The following ZNF236 variants were observed in gnomAD, a reference collection of about 807,000 sequenced individuals.
ZNF236 encodes zinc finger protein 236, also known as regulated by glucose.
In ZNF236, 50 loss-of-function variants were observed where a neutral mutation model predicts 191.2. That is an observed-to-expected ratio of 0.26 (90% confidence interval 0.21 to 0.33). The LOEUF (loss-of-function observed/expected upper bound fraction) is 0.33, where lower values mean the gene tolerates loss of function less well. Ranked by LOEUF, ZNF236 falls within the 10% of genes least tolerant of loss-of-function variation. The probability of loss-of-function intolerance (pLI) is 1.00; values close to 1 mark genes in which losing one functional copy is unlikely to be tolerated. For missense variants in ZNF236, 1,754 were observed against 2,374.5 expected, an observed-to-expected ratio of 0.74 and a Z score of 5.43; for synonymous variants, 907 against 928.8, an observed-to-expected ratio of 0.98 and a Z score of 0.43.
chr18:76,944,563 C>T (rs1427900249), intron 26 of ZNF236, among the ~76,000 whole-genome samples: 2 of 152,070 alleles, frequency 1.3e-5, no homozygotes, highest in African/African-American at 4.8e-5. Context: ...GGTGGATCAC[C>T]TGAGGTCAGG....
rs116807188 is a variant in ZNF236, at chr18:76,883,409, A to G, written c.1417+1897A>G. On this transcript the variant is annotated intron_variant, in intron 9 of 30. Coordinates refer to ENST00000320610, the MANE Select transcript of ZNF236 (RefSeq NM_001306089.2). ...TTTAAGTGACCTCTCTAATATGGTGATGAGAAAACCATTGGGGATTTTTAT... is the reference window on the plus strand; with the variant it reads ...TTTAAGTGACCTCTCTAATATGGTGGTGAGAAAACCATTGGGGATTTTTAT... Among the ~76,000 whole-genome samples, 771 of 119,290 alleles carry G rather than the reference A, an allele frequency of 6.5e-3. 9 individuals carry two copies. Among genetic ancestry groups the G allele is most frequent in the African/African-American group, 0.024 (733 of 31,038 alleles). 78.3% of individuals were successfully genotyped at this position (119,290 alleles called of 152,430 possible). A position where few individuals can be genotyped will look rare whatever the true frequency, so the allele number is the denominator to read the frequency against.
intron 19 of ZNF236, among the ~76,000 whole-genome samples, chr18:76,918,515 C>A (rs1181998890): frequency 6.6e-6 from 1 of 152,178 alleles, no homozygotes; most frequent in Non-Finnish European, 1.5e-5. Flanking sequence ...GCCTTGAACT[C>A]CTGGGATCAA....
chr18:76,933,864 G>C (rs951370308), intron 25 of ZNF236, among the ~76,000 whole-genome samples: 3 of 152,186 alleles, frequency 2.0e-5, no homozygotes, highest in African/African-American at 7.2e-5. Context: ...GATCTCAACT[G>C]TATAGTAGTA....
chr18:76,847,452 T>TTTTA (rs966828791), intron 1 of ZNF236, among the ~76,000 whole-genome samples: 1 of 151,882 alleles, frequency 6.6e-6, no homozygotes, highest in African/African-American at 2.4e-5. Context: ...AATCATTTTA[T>TTTTA]TTTATTTATT....
intron 3 of ZNF236, among the ~76,000 whole-genome samples, chr18:76,857,357 G>A (rs185627476): frequency 1.9e-4 from 29 of 152,132 alleles, no homozygotes; most frequent in African/African-American, 3.4e-4. Context: ...CCAGCCCCCC[G>A]ACCCTACTTC....
chr18:76,906,997 C>G (rs551559598), intron 13 of ZNF236, among the ~76,000 whole-genome samples: 3 of 152,150 alleles, frequency 2.0e-5, no homozygotes, highest in Non-Finnish European at 4.4e-5. Flanking sequence ...AAACAGAAAA[C>G]AAGCCTCCAT....
intron 5 of ZNF236, among the ~76,000 whole-genome samples, chr18:76,873,454 G>A (rs532220082): frequency 1.6e-4 from 24 of 152,328 alleles, no homozygotes; most frequent in Middle Eastern, 3.4e-3. Context: ...GCTGCCTGGA[G>A]AGAGCAGCAG....
Position 76,905,322 on chromosome 18 carries a change from G to A in ZNF236, c.2204G>A (p.Gly735Asp). 1 of 1,614,118 alleles carries A rather than the reference G, an allele frequency of 6.2e-7. No homozygotes were observed. The highest frequency in any genetic ancestry group is 8.5e-7 in the Non-Finnish European group (1 of 1,180,028). The change falls in exon 13 of 31, where the codon GGT becomes GAT. Residue 735 changes from glycine to aspartate, a missense_variant. By Grantham distance (94) the Gly-to-Asp change is moderately conservative. Around this residue, in one of 5 missense-constraint regions of ZNF236, gnomAD observed 641 missense variants for 869.6 expected, o/e 0.74. Coordinates refer to ENST00000320610, the MANE Select transcript of ZNF236 (RefSeq NM_001306089.2). ...GGTGGCAGCTTACGGCGACACATGG[G>A]TATCCACAACGACCTTCGTCCCTAT... ...TTGGSLRRHM[G>D]IHNDLRPYMC...
Position 76,900,239 on chromosome 18 carries a change from A to G in ZNF236, c.1894+1017A>G, listed in dbSNP as rs184932361. Among the ~76,000 whole-genome samples the G allele has an allele frequency of 2.8e-3, 424 of 152,326 alleles. 1 individual carries two copies. The highest frequency in any genetic ancestry group is 0.017 in the Middle Eastern group (5 of 294). ...TTATAAATTGGGGGCCACCAGTAAG[A>G]TGATCAACAGCCATAAACTTGTGTG... is the stretch of plus-strand genomic sequence containing the variant. On this transcript the variant is annotated intron_variant, in intron 11 of 30. Coordinates refer to ENST00000320610, the MANE Select transcript of ZNF236 (RefSeq NM_001306089.2).
chr18:76,882,902 G>A (rs1399439716), intron 9 of ZNF236, among the ~76,000 whole-genome samples: 1 of 152,196 alleles, frequency 6.6e-6, no homozygotes, highest in Admixed American at 6.5e-5. Flanking sequence ...AGAATCTGAT[G>A]CAGATTTATT....
chr18:76,834,641 C>A, intron 1 of ZNF236: 1 of 448,632 alleles, frequency 2.2e-6, no homozygotes. Flanking sequence ...CCGTTGCACC[C>A]ATTCAATGTA....
chr18:76,872,605 C>T (rs1976610167), intron 5 of ZNF236, among the ~76,000 whole-genome samples: 1 of 152,166 alleles, frequency 6.6e-6, no homozygotes, highest in African/African-American at 2.4e-5. Flanking sequence ...TTATCTTGTT[C>T]CTTAGTTTTG....
rs1977467904 is a variant in ZNF236 at position 76,897,562 on chromosome 18, A to G, written c.1691-1457A>G. 4.0e-5 allele frequency among the ~76,000 whole-genome samples: 6 copies of G among 148,822 alleles called. No homozygotes were observed. In the South Asian group the frequency reaches 1.3e-3, roughly 32 times the overall value. On this transcript the variant is annotated intron_variant, in intron 10 of 30. Coordinates refer to ENST00000320610, the MANE Select transcript of ZNF236 (RefSeq NM_001306089.2). ...GCACACAGGGACCAGTGCTGCCCAC[A>G]GGTACTGCACACAGGTGCCACACAC...
intron 1 of ZNF236, among the ~76,000 whole-genome samples, chr18:76,846,698 AATT>A (rs1975693682): frequency 6.6e-6 from 1 of 152,154 alleles, no homozygotes; most frequent in African/African-American, 2.4e-5. Context: ...TTACCGAAAT[AATT>A]ATTATTTTTT....
At chr18:76,896,648 C>G (rs1977426372) in intron 10 of ZNF236, among the ~76,000 whole-genome samples, 1 of 150,518 alleles carries the variant, frequency 6.6e-6, no homozygotes, top group African/African-American at 2.5e-5. Context: ...AAACACAGTA[C>G]TGCACACAGT....
At chr18:76,934,727 T>C (rs1343258008) in intron 25 of ZNF236, among the ~76,000 whole-genome samples, 1 of 152,262 alleles carries the variant, frequency 6.6e-6, no homozygotes, top group African/African-American at 2.4e-5. Context: ...CTGAGTGACC[T>C]GGATGCTTGG....
At chr18:76,862,550 A>G (rs927337539) in intron 3 of ZNF236, among the ~76,000 whole-genome samples, 2 of 152,036 alleles carry the variant, frequency 1.3e-5, no homozygotes, top group Non-Finnish European at 2.9e-5. Flanking sequence ...GGCAGAGTCT[A>G]TCTTTGGAAG....
At chr18:76,842,500 C>T (rs1424473655) in intron 1 of ZNF236, among the ~76,000 whole-genome samples, 1 of 151,542 alleles carries the variant, frequency 6.6e-6, no homozygotes, top group East Asian at 1.9e-4. Context: ...ACCTGTAATC[C>T]CAGCACTTTG....
At chr18:76,900,445 T>C (rs1369027363) in intron 11 of ZNF236, among the ~76,000 whole-genome samples, 1 of 152,210 alleles carries the variant, frequency 6.6e-6, no homozygotes, top group Non-Finnish European at 1.5e-5. Context: ...TCTTTTGCCT[T>C]AAATTACATA....
Sources: allele counts gnomAD v4.1 joint callset (sites outside exome capture counted in the v4.1 genomes callset), GRCh38; gene constraint gnomAD v4.1.1; regional missense constraint gnomAD v4.1.1; transcripts MANE v1.5; gene names NCBI Gene and HGNC (gene_info 2026-07-23, HGNC 2026-07-21).